The following HS6ST2 variants were observed in gnomAD, a reference collection of about 807,000 sequenced individuals.
HS6ST2 encodes the protein heparan-sulfate 6-O-sulfotransferase 2.
HS6ST2 carries 17 observed loss-of-function variants against 33.0 expected under a neutral mutation model. The observed-to-expected ratio is 0.52, with a 90% CI of 0.35 to 0.77. The LOEUF is 0.77. Ranked by LOEUF, HS6ST2 falls within the 30% of genes least tolerant of loss-of-function variation. HS6ST2 has a pLI of 0.01. For synonymous variants in HS6ST2, 248 were observed against 237.1 expected, an observed-to-expected ratio of 1.05 and a Z score of -0.42; for missense variants, 519 against 551.7, an observed-to-expected ratio of 0.94 and a Z score of 0.59.
In HS6ST2 at chrX:132,915,730, A is replaced by T. The variant is rs1279199575; in HGVS notation, c.947+41078T>A. Among the ~76,000 whole-genome samples the T allele has an allele frequency of 2.7e-5, 3 of 109,562 alleles. No homozygotes were observed. In the Admixed American group the frequency reaches 2.9e-4, roughly 11 times the overall value. ...AACATAAAATGTTCTTATCATTGGTAACTTTTTTTTTTTTTTGAGAGAGAG... is the reference window on the plus strand; with the variant it reads ...AACATAAAATGTTCTTATCATTGGTTACTTTTTTTTTTTTTTGAGAGAGAG... On this transcript the variant is annotated intron_variant, in intron 2 of 4. Transcript: ENST00000370833.
At chrX:132,848,407 CAAAG>C (rs2065772449) in intron 2 of HS6ST2, among the ~76,000 whole-genome samples, 1 of 112,419 alleles carries the variant, frequency 8.9e-6, no homozygotes, top group Non-Finnish European at 1.9e-5. Context: ...CAAAAGGAAA[CAAAG>C]AAAACTGTTT....
intron 2 of HS6ST2, chrX:132,907,479 A>C (rs1050961977): frequency 8.7e-6 from 1 of 114,506 alleles, no homozygotes; most frequent in Non-Finnish European, 1.8e-5. Flanking sequence ...AGATATTGTA[A>C]GTAAAAAGGA....
chrX:132,883,424 T>C (rs958919995), intron 2 of HS6ST2, among the ~76,000 whole-genome samples: 2 of 111,513 alleles, frequency 1.8e-5, no homozygotes, highest in Non-Finnish European at 3.8e-5. Flanking sequence ...TAGAGGTGTT[T>C]ATAGTATTCT....
intron 2 of HS6ST2, among the ~76,000 whole-genome samples, chrX:132,885,474 G>A (rs779353190): frequency 3.6e-5 from 4 of 111,778 alleles, no homozygotes; most frequent in African/African-American, 1.3e-4. Flanking sequence ...AAGCAAGAAG[G>A]AGGGTCACCT....
intron 2 of HS6ST2, among the ~76,000 whole-genome samples, chrX:132,754,583 A>AT (rs1251031964): frequency 2.8e-5 from 3 of 108,904 alleles, no homozygotes; most frequent in Non-Finnish European, 5.7e-5. Flanking sequence ...CGCCCATCTA[A>AT]TTTTTTTATA....
At chrX:132,875,905 C>T (rs1338834797) in intron 2 of HS6ST2, among the ~76,000 whole-genome samples, 4 of 110,489 alleles carry the variant, frequency 3.6e-5, no homozygotes, top group African/African-American at 1.3e-4. Flanking sequence ...AAAATACTGC[C>T]TCAGGGTATT....
chrX:132,637,635 A>C (rs2063557926), intron 4 of HS6ST2, among the ~76,000 whole-genome samples: 1 of 100,349 alleles, frequency 1.0e-5, no homozygotes, highest in African/African-American at 3.6e-5. Context: ...AGGTCATAGG[A>C]GTGATCAATA....
chrX:132,689,500 T>C (rs2064043925), intron 3 of HS6ST2, among the ~76,000 whole-genome samples: 2 of 111,588 alleles, frequency 1.8e-5, no homozygotes, highest in Non-Finnish European at 3.8e-5. Flanking sequence ...AAAGAGCAAA[T>C]GAAAAAAAAT....
intron 3 of HS6ST2, among the ~76,000 whole-genome samples, chrX:132,698,111 C>A (rs1036548871): frequency 1.3e-4 from 15 of 111,755 alleles, no homozygotes; most frequent in African/African-American, 4.9e-4. Flanking sequence ...TTCATCTTGA[C>A]ATTCTAGCTT....
chrX:132,957,769 G>C (rs1330238452), intron 1 of HS6ST2, among the ~76,000 whole-genome samples: 1 of 111,249 alleles, frequency 9.0e-6, no homozygotes, highest in Non-Finnish European at 1.9e-5. Context: ...CGGACTCTCC[G>C]GGCTCTTCTG....
chrX:132,676,997 C>T (rs1053558885), intron 3 of HS6ST2, among the ~76,000 whole-genome samples: 1 of 112,362 alleles, frequency 8.9e-6, no homozygotes, highest in African/African-American at 3.2e-5. Context: ...TTACTGCAAA[C>T]ACCACAGAGT....
rs2063622959 is a variant in HS6ST2, at chrX:132,644,113, AT to A, written c.1068-15021del. Among the ~76,000 whole-genome samples, 3 of 109,765 alleles carry A rather than the reference AT, an allele frequency of 2.7e-5. No individual in the cohort carries two copies. In the Admixed American group the frequency reaches 2.9e-4, roughly 11 times the overall value. On this transcript the variant is annotated intron_variant, in intron 4 of 4. Coordinates refer to ENST00000370833, the MANE Select transcript of HS6ST2 (RefSeq NM_001394073.1). ...CAGAAAAGTCATCTGAAGAAAATTC[AT>A]TGATATCAGTGCCTGAGAGAAGGAA...
chrX:132,725,564 G>T (rs1324011097), intron 2 of HS6ST2, among the ~76,000 whole-genome samples: 3 of 112,322 alleles, frequency 2.7e-5, no homozygotes, highest in African/African-American at 9.7e-5. Flanking sequence ...CTGCCGATGG[G>T]AATGTAAATT....
intron 2 of HS6ST2, among the ~76,000 whole-genome samples, chrX:132,953,538 C>T (rs981774552): frequency 1.8e-5 from 2 of 111,867 alleles, no homozygotes; most frequent in Admixed American, 9.4e-5. Context: ...CCTCTGATAC[C>T]TCCCTAATGT....
At chrX:132,701,129 T>G (rs2064141226) in intron 3 of HS6ST2, among the ~76,000 whole-genome samples, 1 of 112,501 alleles carries the variant, frequency 8.9e-6, no homozygotes, top group Non-Finnish European at 1.9e-5. Context: ...ACTTGTGTTC[T>G]TCTCTTGCAT....
chrX:132,786,089 G>A (rs2065058117), intron 2 of HS6ST2, among the ~76,000 whole-genome samples: 1 of 112,038 alleles, frequency 8.9e-6, no homozygotes. Context: ...ACTTCACTGG[G>A]TTGTTCTGAG....
chrX:132,787,163 A>ATG (rs1462279018), intron 2 of HS6ST2, among the ~76,000 whole-genome samples: 25 of 56,565 alleles, frequency 4.4e-4, no homozygotes, highest in Non-Finnish European at 7.3e-4. Context: ...GTGTATATAT[A>ATG]TATGTATATA....
intron 3 of HS6ST2, among the ~76,000 whole-genome samples, chrX:132,692,341 A>T (rs2064071982): frequency 9.0e-6 from 1 of 111,225 alleles, no homozygotes; most frequent in Non-Finnish European, 1.9e-5. Flanking sequence ...CAGTGTGGTC[A>T]GTGCAGTGAT....
chrX:132,861,583 C>A (rs1308654238), intron 2 of HS6ST2, among the ~76,000 whole-genome samples: 1 of 112,588 alleles, frequency 8.9e-6, no homozygotes, highest in East Asian at 2.8e-4. Context: ...CAAAGAATTA[C>A]TATTTTCTTA....
Sources: allele counts gnomAD v4.1 joint callset (sites outside exome capture counted in the v4.1 genomes callset), GRCh38; gene constraint gnomAD v4.1.1; transcripts MANE v1.5; gene names NCBI Gene and HGNC (gene_info 2026-07-23, HGNC 2026-07-21).